Variants in VWA3B observed in about 807,000 individuals in gnomAD.
The protein encoded by VWA3B is von Willebrand factor A domain-containing protein 3B.
A neutral mutation model predicts 158.3 loss-of-function variants in VWA3B; 138 were observed. That is an observed-to-expected ratio of 0.87 (90% CI 0.76 to 1.00). The LOEUF (loss-of-function observed/expected upper bound fraction) is 1.00. VWA3B is among the 50% of genes least tolerant of loss of function. The pLI is 0.00. For synonymous variants in VWA3B, 596 were observed against 587.3 expected (o/e 1.01, Z -0.21); for missense variants, 1,555 against 1,565.1 (o/e 0.99, Z 0.11).
At chr2:98,157,711 T>C (rs1212713899) in intron 7 of VWA3B, among the ~76,000 whole-genome samples, 2 of 152,182 alleles carry the variant, frequency 1.3e-5, no homozygotes, top group South Asian at 4.1e-4. Context: ...AGTTTGGGGG[T>C]CAGGCAGACT....
intron 4 of VWA3B, among the ~76,000 whole-genome samples, chr2:98,120,441 A>G (rs932160436): frequency 6.6e-6 from 1 of 152,218 alleles, no homozygotes. Flanking sequence ...ACAATGCCTA[A>G]TTATGTTCTA....
At chr2:98,212,400 T>C (rs1683602165) in intron 13 of VWA3B, among the ~76,000 whole-genome samples, 1 of 152,232 alleles carries the variant, frequency 6.6e-6, no homozygotes, top group Admixed American at 6.5e-5. Context: ...AACATGTCAC[T>C]GCATAATGTC....
intron 13 of VWA3B, among the ~76,000 whole-genome samples, chr2:98,216,031 T>C (rs1683958298): frequency 6.6e-6 from 1 of 152,242 alleles, no homozygotes; most frequent in Admixed American, 6.5e-5. Context: ...GAACTGAATG[T>C]GTAAGGCCCG....
chr2:98,174,729 A>G (rs902348109), intron 8 of VWA3B, among the ~76,000 whole-genome samples: 2 of 152,164 alleles, frequency 1.3e-5, no homozygotes, highest in Non-Finnish European at 2.9e-5. Context: ...CAGGCTATGC[A>G]TATGTTCAAA....
chr2:98,265,065 T>A (rs982550011), intron 21 of VWA3B, among the ~76,000 whole-genome samples: 10 of 151,958 alleles, frequency 6.6e-5, no homozygotes, highest in Non-Finnish European at 1.2e-4. Context: ...TATTATACTT[T>A]AAGTTTTAGG....
chr2:98,090,427 G>A (rs1682195723), intron 1 of VWA3B, among the ~76,000 whole-genome samples: 1 of 152,176 alleles, frequency 6.6e-6, no homozygotes, highest in African/African-American at 2.4e-5. Flanking sequence ...AACATATAAA[G>A]TGCTTATCCA....
At chr2:98,100,111 C>T (rs1345696584) in intron 2 of VWA3B, among the ~76,000 whole-genome samples, 2 of 152,180 alleles carry the variant, frequency 1.3e-5, no homozygotes, top group African/African-American at 4.8e-5. Context: ...TTGGTGATGT[C>T]ATGTTTCCTG....
the VWA3B span, among the ~76,000 whole-genome samples, chr2:98,321,786 C>T: frequency 1.3e-5 from 2 of 152,102 alleles, no homozygotes; most frequent in African/African-American, 4.8e-5. Flanking sequence ...GTTGGGAAAG[C>T]ATGATTGGTT....
chr2:98,318,764 G>T, the VWA3B span, among the ~76,000 whole-genome samples: 1 of 152,114 alleles, frequency 6.6e-6, no homozygotes. Flanking sequence ...ACAAGGAAAG[G>T]CAAATGGACT....
intron 14 of VWA3B, among the ~76,000 whole-genome samples, chr2:98,227,318 C>T (rs1684996156): frequency 6.6e-6 from 1 of 152,074 alleles, no homozygotes; most frequent in African/African-American, 2.4e-5. Flanking sequence ...GAATAAAATG[C>T]CTAGGAATAC....
chr2:98,190,760 T>C (rs1319210026), intron 10 of VWA3B, among the ~76,000 whole-genome samples: 3 of 152,280 alleles, frequency 2.0e-5, no homozygotes, highest in South Asian at 2.1e-4. Context: ...CATAATGACT[T>C]TGATGCTTTT....
chr2:98,160,511 T>C (rs1678485825), intron 7 of VWA3B, among the ~76,000 whole-genome samples: 2 of 152,192 alleles, frequency 1.3e-5, no homozygotes, highest in African/African-American at 4.8e-5. Context: ...CACATTTCCC[T>C]GTCCCTGGAT....
intron 17 of VWA3B, among the ~76,000 whole-genome samples, chr2:98,236,145 A>G (rs1685661765): frequency 6.6e-6 from 1 of 152,218 alleles, no homozygotes; most frequent in South Asian, 2.1e-4. Context: ...GAATGAAAGA[A>G]TGAATATGTC....
chr2:98,257,384 T>C (rs548562155), intron 21 of VWA3B, among the ~76,000 whole-genome samples: 2 of 152,192 alleles, frequency 1.3e-5, no homozygotes, highest in South Asian at 4.1e-4. Flanking sequence ...TGATGGATAC[T>C]TAGTTTGTTT....
chr2:98,282,346 A>G (rs963255614), intron 22 of VWA3B, among the ~76,000 whole-genome samples: 3 of 152,180 alleles, frequency 2.0e-5, no homozygotes, highest in Non-Finnish European at 4.4e-5. Context: ...TTCCTTCCAT[A>G]AAGTCCCATG....
intron 19 of VWA3B, among the ~76,000 whole-genome samples, chr2:98,243,496 A>T (rs1169465138): frequency 6.6e-6 from 1 of 151,882 alleles, no homozygotes; most frequent in African/African-American, 2.4e-5. Context: ...ACCATGCCTG[A>T]CTAATTTTTT....
Position 98,297,985 on chromosome 2 carries a change from C to T in VWA3B, c.3236C>T (p.Ser1079Phe). 1.9e-6 allele frequency: 3 copies of T among 1,589,816 alleles called. No homozygotes were observed. Among genetic ancestry groups the T allele is most frequent in the Non-Finnish European group, 2.6e-6 (3 of 1,168,126 alleles). ...GGAGACACCAAGGTCGTGTCCACCT[C>T]CTTCATCACGCCTGTGGGGGGCGCC... ...SYGDTKVVSTSFITPVGGAMP... is the reference protein window; with the variant it reads ...SYGDTKVVSTFFITPVGGAMP... Residue 1079 changes from serine to phenylalanine, a missense_variant, in exon 24 of 28, where the codon TCC becomes TTC. Transcript: ENST00000477737.
In VWA3B at chr2:98,170,639, G is replaced by A. The variant is rs1056715548; in HGVS notation, c.1114+7663G>A. On this transcript the variant is annotated intron_variant, in intron 8 of 27. Transcript: ENST00000477737. The stretch of plus-strand genomic sequence containing the variant: ...TTTTTTTTTTGAGATGGAGTATATC[G>A]CTCTGTCACCAGGCTGGAGTGCAGT... Among the ~76,000 whole-genome samples, 8 of 149,882 alleles carry A rather than the reference G, an allele frequency of 5.3e-5. No homozygotes were observed. In the East Asian group the frequency reaches 9.8e-4, roughly 18 times the overall value.
intron 10 of VWA3B, among the ~76,000 whole-genome samples, chr2:98,188,976 C>T (rs1376809536): frequency 6.6e-6 from 1 of 152,172 alleles, no homozygotes. Flanking sequence ...ACGTGTATTG[C>T]CCAATGTGTT....
Sources: gnomAD v4.1 joint callset for allele counts (sites outside exome capture counted in the v4.1 genomes callset) on GRCh38, gnomAD v4.1.1 for gene constraint, MANE v1.5 for transcripts, NCBI Gene and HGNC (gene_info 2026-07-23, HGNC 2026-07-21) for gene names.